The following DPP8 variants were observed in gnomAD, a reference collection of about 807,000 sequenced individuals.
DPP8 encodes the protein dipeptidyl peptidase 8, also known as DPP VIII.
A neutral mutation model predicts 107.5 loss-of-function variants in DPP8; 31 were observed. That is an observed-to-expected ratio of 0.29 (90% CI 0.22 to 0.39). DPP8 has a LOEUF of 0.39. Among genes scored for constraint, DPP8 ranks in the 10% least tolerant of loss-of-function variants. The pLI is 1.00. For synonymous variants in DPP8, 381 were observed against 356.6 expected, an observed-to-expected ratio of 1.07 and a Z score of -0.77; for missense variants, 842 against 1,076.1, an observed-to-expected ratio of 0.78 and a Z score of 3.04.
At chr15:65,482,216 T>A (rs2066996177) in intron 8 of DPP8, among the ~76,000 whole-genome samples, 1 of 151,718 alleles carries the variant, frequency 6.6e-6, no homozygotes, top group East Asian at 1.9e-4. Flanking sequence ...AAAATATTAA[T>A]TTTTAAATTT....
chr15:65,448,522 A>G (rs2140301379), intron 19 of DPP8, among the ~76,000 whole-genome samples: 1 of 151,330 alleles, frequency 6.6e-6, no homozygotes, highest in East Asian at 2.0e-4. Context: ...AATACAAAAA[A>G]TTAGCCAGGC....
At chr15:65,499,291 C>T (rs993284977) in intron 4 of DPP8, among the ~76,000 whole-genome samples, 1 of 151,572 alleles carries the variant, frequency 6.6e-6, no homozygotes, top group African/African-American at 2.4e-5. Flanking sequence ...GACAGTAGAG[C>T]GATCTCAGCT....
At chr15:65,516,199 A>C (rs1274822519) in intron 1 of DPP8, 1 of 161,230 alleles carries the variant, frequency 6.2e-6, no homozygotes, top group South Asian at 2.0e-4. Flanking sequence ...ATAATGTCAT[A>C]TCAAGCTGGA....
chr15:65,496,755 AT>A (rs1316509708), intron 5 of DPP8, among the ~76,000 whole-genome samples: 1 of 150,866 alleles, frequency 6.6e-6, no homozygotes, highest in Non-Finnish European at 1.5e-5. Flanking sequence ...GGCTTGAGTG[AT>A]CCTCCTCCCT....
chr15:65,505,372 T>C (rs1253464610), intron 3 of DPP8, among the ~76,000 whole-genome samples: 1 of 150,286 alleles, frequency 6.7e-6, no homozygotes, highest in Admixed American at 6.6e-5. Flanking sequence ...AAAAAAATAG[T>C]CTGAGCAGTA....
At chr15:65,462,549 T>C (rs1443864174) in intron 15 of DPP8, among the ~76,000 whole-genome samples, 1 of 152,112 alleles carries the variant, frequency 6.6e-6, no homozygotes, top group Non-Finnish European at 1.5e-5. Flanking sequence ...GAATAAACAA[T>C]TTTAAAATTT....
chr15:65,452,294 C>T lies in DPP8; in HGVS notation c.2272-192G>A, dbSNP rs146887550. Reference sequence around the variant, plus strand: ...GTCAAGAATTTGATACTCTGTGAGTCAGTTTCATGTTCCATGGGCATTCTA... The same window carrying T: ...GTCAAGAATTTGATACTCTGTGAGTTAGTTTCATGTTCCATGGGCATTCTA... On this transcript the variant is annotated intron_variant, in intron 17 of 19. Transcript: ENST00000300141. 7.1e-4 allele frequency among the ~76,000 whole-genome samples: 108 copies of T among 152,268 alleles called. 1 individual carries two copies. The East Asian group carries it at 0.018, about 25-fold the overall frequency.
Position 65,475,817 on chromosome 15 carries a change from A to G in DPP8, c.1457-1529T>C, listed in dbSNP as rs567432755. On this transcript the variant is annotated intron_variant, in intron 11 of 19. Coordinates refer to ENST00000300141, the MANE Select transcript of DPP8 (RefSeq NM_130434.5). ...GGCTACAGTGCAGCGGCACCATCAC[A>G]GCTCACTGCAGCCTTTACCTCCCCA... Among the ~76,000 whole-genome samples the G allele has an allele frequency of 2.0e-5, 3 of 152,210 alleles. No individual in the cohort carries two copies. The South Asian group carries it at 6.2e-4, about 32-fold the overall frequency.
In DPP8 at chr15:65,500,646, C is replaced by T; in HGVS notation, c.506G>A (p.Gly169Glu). The stretch of plus-strand genomic sequence containing the variant: ...CCCTCCATCTTTTACGTGATAAATT[C>T]CACTACCGGCTTGAAACAGAAATGT... ...SGTFLFQAGS[G>E]IYHVKDGGPQ... is the part of the protein sequence containing the mutation. Residue 169 changes from glycine to glutamate, a missense_variant, in exon 4 of 20, where the codon GGA (glycine) becomes GAA (glutamate). By Grantham distance (98) the Gly-to-Glu change is moderately conservative. Coordinates refer to ENST00000300141, the MANE Select transcript of DPP8 (RefSeq NM_130434.5). 1 of 1,614,052 alleles carries T rather than the reference C, an allele frequency of 6.2e-7. No individual in the cohort carries two copies. Among genetic ancestry groups the T allele is most frequent in the Non-Finnish European group, 8.5e-7 (1 of 1,179,970 alleles).
intron 14 of DPP8, 114 bp downstream of exon 14, chr15:65,466,564 G>A: frequency 1.1e-6 from 1 of 921,962 alleles, no homozygotes; most frequent in Non-Finnish European, 1.7e-6. Flanking sequence ...CTCAGGGACA[G>A]GCAGTGGTGA....
chr15:65,466,888 T>C (rs1254841710), intron 13 of DPP8, 75 bp from the exon 14 acceptor site: 2 of 1,465,786 alleles, frequency 1.4e-6, no homozygotes, highest in East Asian at 2.3e-5. Context: ...TCTGCACTAA[T>C]GATATAGCAA....
intron 3 of DPP8, among the ~76,000 whole-genome samples, chr15:65,504,209 C>A (rs2069628720): frequency 6.6e-6 from 1 of 151,588 alleles, no homozygotes. Flanking sequence ...ATAAAAAATA[C>A]AAAATCATCC....
intron 6 of DPP8, among the ~76,000 whole-genome samples, chr15:65,488,027 A>T (rs902045761): frequency 6.6e-6 from 1 of 152,174 alleles, no homozygotes; most frequent in Non-Finnish European, 1.5e-5. Context: ...AAACAACTGG[A>T]GATGATATGT....
chr15:65,464,460 T>C (rs965751086), intron 14 of DPP8, among the ~76,000 whole-genome samples: 8 of 152,036 alleles, frequency 5.3e-5, no homozygotes, highest in Admixed American at 3.3e-4. Context: ...GGTGGGTGGA[T>C]TGCTTGAGCC....
intron 12 of DPP8, among the ~76,000 whole-genome samples, chr15:65,470,808 A>C (rs539525784): frequency 6.6e-6 from 1 of 152,042 alleles, no homozygotes; most frequent in East Asian, 1.9e-4. Context: ...AATCCCAGCT[A>C]CTTGGGAGGC....
At chr15:65,486,760 T>G (rs2067480710) in intron 7 of DPP8, among the ~76,000 whole-genome samples, 1 of 152,176 alleles carries the variant, frequency 6.6e-6, no homozygotes. Flanking sequence ...ATGTTCTCAC[T>G]GATAAGTGGG....
intron 18 of DPP8, 57 bp downstream of exon 18, chr15:65,451,903 T>G (rs1367146328): frequency 6.8e-7 from 1 of 1,478,550 alleles, no homozygotes; most frequent in African/African-American, 1.5e-5. Context: ...CCAGCCTAAG[T>G]GACAGAGTGA....
rs1032683477 is a variant in DPP8 at position 65,512,406 on chromosome 15, C to T, written c.148G>A (p.Ala50Thr). The T allele has an allele frequency of 1.2e-6, 2 of 1,613,998 alleles. No homozygotes were observed. Among genetic ancestry groups the T allele is most frequent in the Non-Finnish European group, 1.7e-6 (2 of 1,180,034 alleles). The change falls in exon 2 of 20, where the codon GCC becomes ACC. Residue 50 changes from alanine (A) to threonine (T), a missense_variant. Ala to Thr is a moderately conservative substitution (Grantham distance 58, BLOSUM62 0). Around this residue, in one of 2 missense-constraint regions of DPP8, gnomAD observed 663 missense variants for 758.0 expected, o/e 0.87. Coordinates refer to ENST00000300141, the MANE Select transcript of DPP8 (RefSeq NM_130434.5). ...YSWSQLKKLL[A>T]DTRKYHGYMM... ...TAGCCATGATATTTTCTGGTATCGG[C>T]AAGCAGCTTTTTAAGCTGACTCCAG...
chr15:65,451,041 T>C lies in DPP8; in HGVS notation c.2484A>G (p.Leu828=). 6.2e-7 allele frequency: 1 copy of C among 1,612,192 alleles called. No individual in the cohort carries two copies. Among genetic ancestry groups the C allele is most frequent in the Non-Finnish European group, 8.5e-7 (1 of 1,178,782 alleles). Residue 828 remains leucine (L), a synonymous_variant, in exon 19 of 20, where the codon TTA becomes TTG. Transcript: ENST00000300141. The part of the protein sequence containing the change: ...ENVHFAHTSI[L]LSFLVRAGKP... ...TTCCAGCCCTCACTAAAAAACTCAGTAATATACTGGTATGTGCAAAATGGA... is the reference window on the plus strand; with the variant it reads ...TTCCAGCCCTCACTAAAAAACTCAGCAATATACTGGTATGTGCAAAATGGA...
Sources: allele counts gnomAD v4.1 joint callset (sites outside exome capture counted in the v4.1 genomes callset), GRCh38; gene constraint gnomAD v4.1.1; regional missense constraint gnomAD v4.1.1; transcripts MANE v1.5; gene names NCBI Gene and HGNC (gene_info 2026-07-23, HGNC 2026-07-21).